The following DDHD1 variants were observed in gnomAD, a reference collection of about 807,000 sequenced individuals.
DDHD1 encodes the protein DDHD domain containing 1.
In DDHD1, 49 loss-of-function variants were observed where a neutral mutation model predicts 96.4. The observed-to-expected ratio is 0.51, with a 90% CI of 0.40 to 0.64. The LOEUF is 0.64. DDHD1 is among the 30% of genes least tolerant of loss of function. DDHD1 has a pLI of 0.00. For missense variants in DDHD1, 1,106 were observed against 1,161.2 expected (o/e 0.95, Z 0.69); for synonymous variants, 442 against 446.5 (o/e 0.99, Z 0.13).
At chr14:53,124,132 G>A (rs1889236580) in intron 1 of DDHD1, among the ~76,000 whole-genome samples, 1 of 151,936 alleles carries the variant, frequency 6.6e-6, no homozygotes, top group Non-Finnish European at 1.5e-5. Flanking sequence ...CTACTCAGGA[G>A]GCTGAGGCAG....
At chr14:53,113,598 T>C (rs1178805617) in intron 1 of DDHD1, among the ~76,000 whole-genome samples, 3 of 151,260 alleles carry the variant, frequency 2.0e-5, no homozygotes, top group African/African-American at 4.9e-5. Context: ...AGCAGAAGCA[T>C]GGTGGTGCGT....
chr14:53,104,197 C>T (rs887343578), intron 1 of DDHD1, among the ~76,000 whole-genome samples: 1 of 152,224 alleles, frequency 6.6e-6, no homozygotes, highest in East Asian at 1.9e-4. Context: ...ACCACCTTGG[C>T]CTCCCAAAGT....
At chr14:53,123,509 C>T (rs778313228) in intron 1 of DDHD1, among the ~76,000 whole-genome samples, 1 of 152,074 alleles carries the variant, frequency 6.6e-6, no homozygotes, top group Non-Finnish European at 1.5e-5. Context: ...GCAAACAACC[C>T]AGATGTCCAA....
rs148163605 is a variant in DDHD1, at chr14:53,082,737, C to T, written c.1290-8890G>A. On this transcript the variant is annotated intron_variant, in intron 4 of 12. Coordinates refer to ENST00000673822, the MANE Select transcript of DDHD1 (RefSeq NM_001160148.2). ...TCATGCCACCACACTCCAGCTTGGG[C>T]GACAGAGTGAGACTCTATCTCAAAA... Among the ~76,000 whole-genome samples the T allele has an allele frequency of 8.0e-3, 1,152 of 143,720 alleles. 9 individuals carry two copies. The highest frequency in any genetic ancestry group is 0.01 in the Non-Finnish European group (677 of 66,924). 94.3% of individuals were successfully genotyped at this position (143,720 alleles called of 152,430 possible). A position where few individuals can be genotyped will look rare whatever the true frequency, so the allele number is the denominator to read the frequency against.
rs1269740044 is a variant in DDHD1 at position 53,099,934 on chromosome 14, ATGT to A, written c.1012+3746_1012+3748del. Among the ~76,000 whole-genome samples the A allele has an allele frequency of 2.0e-5, 3 of 152,198 alleles. No homozygotes were observed. The East Asian group carries it at 5.8e-4, about 29-fold the overall frequency. ...GAGTTACACACTGTACCAAATTTTCATGTTTTTTTTAATTCAATGCTCATTTTG... is the reference window on the plus strand; with the variant it reads ...GAGTTACACACTGTACCAAATTTTCATTTTTTTAATTCAATGCTCATTTTG... On this transcript the variant is annotated intron_variant, in intron 2 of 12. Transcript: ENST00000673822.
chr14:53,092,075 A>C, intron 3 of DDHD1, 143 bp from the exon 4 acceptor site: 2 of 689,632 alleles, frequency 2.9e-6, no homozygotes, highest in Non-Finnish European at 4.7e-6. Flanking sequence ...AACTGTAAGA[A>C]GGTATATATT....
intron 2 of DDHD1, among the ~76,000 whole-genome samples, chr14:53,100,360 T>C (rs1887210336): frequency 6.6e-6 from 1 of 151,994 alleles, no homozygotes; most frequent in South Asian, 2.1e-4. Context: ...GTACACCTTC[T>C]TGGGAGGCTG....
At chr14:53,118,987 GAA>G (rs1336609575) in intron 1 of DDHD1, among the ~76,000 whole-genome samples, 2 of 152,202 alleles carry the variant, frequency 1.3e-5, no homozygotes, top group Admixed American at 1.3e-4. Context: ...CTACAAGCCA[GAA>G]GAGAGTGGGG....
At chr14:53,096,139 A>T in intron 2 of DDHD1, 1 of 985,146 alleles carries the variant, frequency 1.0e-6, no homozygotes, top group Non-Finnish European at 1.2e-6. Flanking sequence ...TTCGTTTAAG[A>T]CCTGTCGCAT....
chr14:53,073,665 T>A, intron 5 of DDHD1, 76 bp downstream of exon 5: 1 of 1,274,400 alleles, frequency 7.8e-7, no homozygotes, highest in Non-Finnish European at 1.1e-6. Flanking sequence ...ACAAAAAGTG[T>A]TTTCTAAAAC....
chr14:53,096,979 T>C (rs1005637068), intron 2 of DDHD1, among the ~76,000 whole-genome samples: 1 of 151,962 alleles, frequency 6.6e-6, no homozygotes. Context: ...TAGATAACCT[T>C]AAAGTCAACA....
intron 4 of DDHD1, among the ~76,000 whole-genome samples, chr14:53,085,398 G>A (rs1001599897): frequency 5.9e-5 from 9 of 152,126 alleles, no homozygotes; most frequent in Non-Finnish European, 7.4e-5. Context: ...TCACACAGCC[G>A]GGTGCCCCTC....
At chr14:53,119,139 GC>G (rs767066274) in intron 1 of DDHD1, among the ~76,000 whole-genome samples, 3 of 152,156 alleles carry the variant, frequency 2.0e-5, no homozygotes, top group Non-Finnish European at 2.9e-5. Flanking sequence ...CCCTAGGCCT[GC>G]CTTACAAGAG....
rs889495322 is a variant in DDHD1, at chr14:53,090,424, C to T, written c.1289+1361G>A. On this transcript the variant is annotated intron_variant, in intron 4 of 12. Coordinates refer to ENST00000673822, the MANE Select transcript of DDHD1 (RefSeq NM_001160148.2). ...ATGCTACTATGAAGACATATGCACA[C>T]GTATGTTTATTGCGGCACTATTCAC... 7.9e-5 allele frequency among the ~76,000 whole-genome samples: 12 copies of T among 152,114 alleles called. No individual in the cohort carries two copies. The East Asian group carries it at 1.7e-3, about 22-fold the overall frequency.
chr14:53,148,514 T>C (rs1159580491), intron 1 of DDHD1, among the ~76,000 whole-genome samples: 3 of 151,938 alleles, frequency 2.0e-5, no homozygotes, highest in Non-Finnish European at 4.4e-5. Flanking sequence ...GGTTTCACCA[T>C]GTTGGCCAGG....
Position 53,073,908 on chromosome 14 carries a change from A to AT in DDHD1, c.1290-62dup. The AT allele has an allele frequency of 4.2e-6, 6 of 1,428,244 alleles. No individual in the cohort carries two copies. The South Asian group carries it at 7.2e-5, about 17-fold the overall frequency. The allele number at this position is 1,428,244 out of a possible 1,614,324, so 88.5% of individuals were successfully genotyped here. A position where few individuals can be genotyped will look rare whatever the true frequency, so the allele number is the denominator to read the frequency against. The stretch of plus-strand genomic sequence containing the variant: ...TTTATGAGAATAACTTCACATATAA[A>AT]TTTATATGAGATAAAATGTGTTTAA... On this transcript the variant is annotated intron_variant, in intron 4 of 12. Transcript: ENST00000673822.
rs1881606629 is a variant in DDHD1, at chr14:53,040,995, T to G, written c.*5773A>C. ...CCTTAGAACCAGAAAATGGTTATAA[T>G]TTTTTGTCATGAAGCTCAAAGGGAA... On this transcript the variant is annotated 3_prime_UTR_variant, in exon 13 of 13. Coordinates refer to ENST00000673822, the MANE Select transcript of DDHD1 (RefSeq NM_001160148.2). The G allele has an allele frequency of 6.6e-6, 1 of 151,968 alleles. No homozygotes were observed. The highest frequency in any genetic ancestry group is 2.4e-5 in the African/African-American group (1 of 41,374). The allele number at this position is 151,968 out of a possible 1,614,324, so 9.4% of individuals were successfully genotyped here. A position where few individuals can be genotyped will look rare whatever the true frequency, so the allele number is the denominator to read the frequency against.
At chr14:53,097,812 G>A (rs925309130) in intron 2 of DDHD1, among the ~76,000 whole-genome samples, 1 of 151,836 alleles carries the variant, frequency 6.6e-6, no homozygotes, top group Non-Finnish European at 1.5e-5. Context: ...TAAAAGAATA[G>A]TATAATTTAA....
At chr14:53,137,571 GAC>G (rs1443148084) in intron 1 of DDHD1, among the ~76,000 whole-genome samples, 46 of 152,000 alleles carry the variant, frequency 3.0e-4, no homozygotes, top group Middle Eastern at 3.4e-3. Context: ...CAGCCTGGGT[GAC>G]ACAGTGAGAC....
Sources: allele counts gnomAD v4.1 joint callset (sites outside exome capture counted in the v4.1 genomes callset), GRCh38; gene constraint gnomAD v4.1.1; transcripts MANE v1.5; gene names NCBI Gene and HGNC (gene_info 2026-07-23, HGNC 2026-07-21).